Variants in ATP2A2 observed in about 807,000 individuals in gnomAD.
ATP2A2 encodes sarcoplasmic/endoplasmic reticulum calcium ATPase 2.
A neutral mutation model predicts 109.3 loss-of-function variants in ATP2A2; 14 were observed. The observed-to-expected ratio is 0.13, with a 90% CI of 0.08 to 0.20. The LOEUF is 0.20. ATP2A2 is among the 10% of genes least tolerant of loss of function. The probability of loss-of-function intolerance (pLI) is 1.00; values close to 1 mark genes in which losing one functional copy is unlikely to be tolerated. For missense variants in ATP2A2, 657 were observed against 1,321.6 expected (o/e 0.50, Z 7.80); for synonymous variants, 506 against 490.9 (o/e 1.03, Z -0.41).
rs1487772694 is a variant in ATP2A2 at position 110,350,330 on chromosome 12, AAT to A, written c.*3861_*3862del. 2.5e-6 allele frequency: 4 copies of A among 1,614,148 alleles called. No individual in the cohort carries two copies. The highest frequency in any genetic ancestry group is 2.5e-6 in the Non-Finnish European group (3 of 1,180,030). On this transcript the variant is annotated 3_prime_UTR_variant, in exon 20 of 20. Transcript: ENST00000539276. ...ACCGCTTCCTAAACCATTTTGCAGA[AAT>A]GTAAGGGTGTTCGGTTGCGTGCATG...
chr12:110,332,788 C>T, intron 9 of ATP2A2, 103 bp downstream of exon 9: 1 of 1,024,454 alleles, frequency 9.8e-7, no homozygotes, highest in Non-Finnish European at 1.6e-6. Context: ...CTGAATGTGG[C>T]TCAAGTCAAC....
intron 5 of ATP2A2, among the ~76,000 whole-genome samples, chr12:110,306,767 G>A (rs1343713956): frequency 6.6e-6 from 1 of 151,712 alleles, no homozygotes; most frequent in Non-Finnish European, 1.5e-5. Context: ...TCACTCTGTC[G>A]CCCAGGCTGG....
chr12:110,341,066 G>T lies in ATP2A2; in HGVS notation c.2097+72G>T, dbSNP rs142387989. 3.7e-3 allele frequency: 5,689 copies of T among 1,529,668 alleles called. 49 individuals carry two copies. Among genetic ancestry groups the T allele is most frequent in the South Asian group, 0.022 (1,876 of 85,824 alleles). The allele number at this position is 1,529,668 out of a possible 1,614,324, so 94.8% of individuals were successfully genotyped here. On this transcript the variant is annotated intron_variant, in intron 14 of 19. Transcript: ENST00000539276. ...ATAGTAGCCTCTAATTTTGACCACT[G>T]AATTTTTTTGTCATAGCTCCCTAAT...
chr12:110,286,383 A>G (rs1033275130), intron 3 of ATP2A2, among the ~76,000 whole-genome samples: 4 of 152,130 alleles, frequency 2.6e-5, no homozygotes, highest in African/African-American at 4.8e-5. Flanking sequence ...GTATCTTTTA[A>G]TTTTTGATTT....
intron 3 of ATP2A2, among the ~76,000 whole-genome samples, chr12:110,291,714 C>T (rs759474479): frequency 3.4e-5 from 5 of 147,662 alleles, no homozygotes; most frequent in Non-Finnish European, 5.9e-5. Flanking sequence ...AGTACACTCA[C>T]GGCTCACTGC....
At chr12:110,307,576 G>C (rs1424592197) in intron 5 of ATP2A2, among the ~76,000 whole-genome samples, 4 of 152,022 alleles carry the variant, frequency 2.6e-5, no homozygotes, top group Non-Finnish European at 5.9e-5. Context: ...TCTCATTGTG[G>C]TTTTGATTTG....
At chr12:110,333,936 G>GA (rs1482939101) in intron 10 of ATP2A2, 76 bp from the exon 11 acceptor site, 30 of 1,599,842 alleles carry the variant, frequency 1.9e-5, no homozygotes, top group South Asian at 1.0e-4. Context: ...TGCTTTTGTG[G>GA]AAAAAAAATA....
intron 4 of ATP2A2, among the ~76,000 whole-genome samples, chr12:110,295,250 C>T (rs1213780701): frequency 2.0e-5 from 3 of 152,302 alleles, no homozygotes; most frequent in South Asian, 2.1e-4. Context: ...CCAATCTCTG[C>T]CTCGCAGGCT....
At chr12:110,343,109 T>C in intron 15 of ATP2A2, 123 bp from the exon 16 acceptor site, 1 of 1,032,224 alleles carries the variant, frequency 9.7e-7, no homozygotes, top group Non-Finnish European at 1.5e-6. Flanking sequence ...TATAAGTATT[T>C]TACAGATTAC....
rs1164064095 is a variant in ATP2A2, at chr12:110,339,833, T to C, written c.1761+112T>C. On this transcript the variant is annotated intron_variant, in intron 13 of 19. Transcript: ENST00000539276. The surrounding 1 kb of genome is among the most constrained non-coding windows in gnomAD (Gnocchi z 4.4). The stretch of plus-strand genomic sequence containing the variant: ...TCTCACTTTTGCCAAGAAAGAGGTG[T>C]GGTTATTTGTTTTTCTGCCTGCCAG... 4.0e-5 allele frequency: 48 copies of C among 1,209,828 alleles called. No homozygotes were observed. In the East Asian group the frequency reaches 1.0e-3, roughly 26 times the overall value. 74.9% of individuals were successfully genotyped at this position (1,209,828 alleles called of 1,614,324 possible).
intron 10 of ATP2A2, 90 bp downstream of exon 10, chr12:110,333,373 T>C: frequency 4.8e-6 from 6 of 1,256,182 alleles, no homozygotes; most frequent in Non-Finnish European, 3.5e-6. Flanking sequence ...TTCCTCCCTT[T>C]TGAAAGTCAA....
chr12:110,321,001 G>A (rs951918169), intron 5 of ATP2A2, among the ~76,000 whole-genome samples: 8 of 152,254 alleles, frequency 5.3e-5, no homozygotes, highest in Non-Finnish European at 8.8e-5. Flanking sequence ...GGCAAGGCAG[G>A]TGGATGCCTG....
At chr12:110,285,497 C>T (rs963284931) in intron 3 of ATP2A2, among the ~76,000 whole-genome samples, 1 of 152,108 alleles carries the variant, frequency 6.6e-6, no homozygotes, top group African/African-American at 2.4e-5. Context: ...GTCACAGACA[C>T]TGGGGATACA....
At chr12:110,281,227 GGCAGCGGCCGATAAATGCTATTAGA>G (rs1303536148) in exon 1 of ATP2A2, 2 of 151,068 alleles carry the variant, frequency 1.3e-5, no homozygotes, top group Non-Finnish European at 3.0e-5. Context: ...CGAAAGGGGA[GGCAGCGGCCGATAAATGCTATTAGA>G]GCAGCCGCCG....
chr12:110,342,165 T>C lies in ATP2A2; in HGVS notation c.2098-63T>C, dbSNP rs895510158. ...CCTCCTGCTTCCCATTCAGTGGGCT[T>C]TTGCCTAGGGGTATGAATGTGGCAT... On this transcript the variant is annotated intron_variant, in intron 14 of 19. Transcript: ENST00000539276. This position sits in a 1 kb window ranked among gnomAD's most constrained non-coding sequence, Gnocchi z 4.6. 2 of 1,578,094 alleles carry C rather than the reference T, an allele frequency of 1.3e-6. No individual in the cohort carries two copies. The highest frequency in any genetic ancestry group is 3.3e-5 in the Admixed American group (2 of 59,970).
chr12:110,287,194 A>T (rs1280870692), intron 3 of ATP2A2, among the ~76,000 whole-genome samples: 1 of 152,170 alleles, frequency 6.6e-6, no homozygotes, highest in Non-Finnish European at 1.5e-5. Flanking sequence ...CGGATGTTGC[A>T]GTGAGCCGAG....
In ATP2A2 at chr12:110,340,661, C is replaced by T; in HGVS notation, c.1764C>T (p.Thr588=). ...EDSANFIKYE[T]NLTFVGCVGM... Reference sequence around the variant, plus strand: ...TTAAAGTGATGCTCTTATTTTAGACCAATCTGACCTTCGTTGGCTGCGTGG... The same window carrying T: ...TTAAAGTGATGCTCTTATTTTAGACTAATCTGACCTTCGTTGGCTGCGTGG... The change falls in exon 14 of 20, where the codon ACC becomes ACT. Residue 588 remains threonine (T), a splice_region_variant and synonymous_variant. Coordinates refer to ENST00000539276, the MANE Select transcript of ATP2A2 (RefSeq NM_170665.4). This position sits in a 1 kb window ranked among gnomAD's most constrained non-coding sequence, Gnocchi z 6.0. 1.2e-6 allele frequency: 2 copies of T among 1,614,056 alleles called. No homozygotes were observed. The highest frequency in any genetic ancestry group is 1.7e-6 in the Non-Finnish European group (2 of 1,180,020).
rs1880152106 is a variant in ATP2A2 at position 110,349,040 on chromosome 12, TCTCAGCTTCAGAC to T, written c.*2572_*2584del. On this transcript the variant is annotated 3_prime_UTR_variant, in exon 20 of 20. Transcript: ENST00000539276. ...ACAGCCCCTAGTTAGCTTCATGGTT[TCTCAGCTTCAGAC>T]CCCTCCAGCCCACAGAGGAGCCCAT... is the stretch of plus-strand genomic sequence containing the variant. 2.0e-6 allele frequency: 2 copies of T among 985,296 alleles called. No individual in the cohort carries two copies. Among genetic ancestry groups the T allele is most frequent in the Non-Finnish European group, 2.4e-6 (2 of 829,952 alleles). 61.0% of individuals were successfully genotyped at this position (985,296 alleles called of 1,614,324 possible). A position where few individuals can be genotyped will look rare whatever the true frequency, so the allele number is the denominator to read the frequency against.
chr12:110,343,509 TAAAAG>T, intron 16 of ATP2A2, 75 bp downstream of exon 16: 1 of 1,541,182 alleles, frequency 6.5e-7, no homozygotes. Flanking sequence ...ATTCATCCCT[TAAAAG>T]CGTGTTTTTT....
Sources: gnomAD v4.1 joint callset for allele counts (sites outside exome capture counted in the v4.1 genomes callset) on GRCh38, gnomAD v4.1.1 for gene constraint, Gnocchi (gnomAD v3.1) non-coding constraint, MANE v1.5 for transcripts, NCBI Gene and HGNC (gene_info 2026-07-23, HGNC 2026-07-21) for gene names.